HSD17B3: variants seen among roughly 807,000 people sequenced by gnomAD.
HSD17B3 encodes the protein hydroxysteroid 17-beta dehydrogenase 3.
In HSD17B3, 29 loss-of-function variants were observed where a neutral mutation model predicts 41.1. The ratio of observed to expected loss-of-function variants is 0.71; its 90% CI spans 0.53 to 0.96. The LOEUF (loss-of-function observed/expected upper bound fraction) is 0.96. Ranked by LOEUF, HSD17B3 falls within the 40% of genes least tolerant of loss-of-function variation. HSD17B3 has a pLI of 0.00. For synonymous variants in HSD17B3, 126 were observed against 145.6 expected, an observed-to-expected ratio of 0.87 and a Z score of 0.97; for missense variants, 323 against 374.6, an observed-to-expected ratio of 0.86 and a Z score of 1.14.
intron 2 of HSD17B3, among the ~76,000 whole-genome samples, chr9:96,287,503 G>A (rs1204981197): frequency 6.6e-6 from 1 of 152,164 alleles, no homozygotes; most frequent in Non-Finnish European, 1.5e-5. Context: ...GAGGTCAGGA[G>A]ATCAAGACCA....
At chr9:96,279,926 C>T (rs369251623) in intron 2 of HSD17B3, among the ~76,000 whole-genome samples, 1 of 152,134 alleles carries the variant, frequency 6.6e-6, no homozygotes, top group Admixed American at 6.5e-5. Flanking sequence ...CCCGCCACCA[C>T]CCCTGGCTAA....
rs556989869 is a variant in HSD17B3, at chr9:96,251,105, C to T, written c.453+313G>A. 1.6e-4 allele frequency: 61 copies of T among 372,154 alleles called. No individual in the cohort carries two copies. The East Asian group carries it at 2.0e-3, about 12-fold the overall frequency. The allele number at this position is 372,154 out of a possible 1,614,324, so 23.1% of individuals were successfully genotyped here. A position where few individuals can be genotyped will look rare whatever the true frequency, so the allele number is the denominator to read the frequency against. ...CTTCTCCCATATATGTTCACAGCTG[C>T]GAATGTGTTAGGCAGAATTACCCTT... On this transcript the variant is annotated intron_variant, in intron 5 of 10. Transcript: ENST00000375263.
At chr9:96,286,446 T>G (rs1826922748) in intron 2 of HSD17B3, among the ~76,000 whole-genome samples, 1 of 152,050 alleles carries the variant, frequency 6.6e-6, no homozygotes, top group Non-Finnish European at 1.5e-5. Flanking sequence ...CCTAGCACAT[T>G]GGGAGGCCAA....
chr9:96,272,291 C>T (rs1564048026), intron 2 of HSD17B3, among the ~76,000 whole-genome samples: 5 of 148,986 alleles, frequency 3.4e-5, no homozygotes, highest in Admixed American at 2.7e-4. Flanking sequence ...GCAGGAGAAT[C>T]ACTTGAACCT....
At chr9:96,277,941 G>A (rs1166477019) in intron 2 of HSD17B3, among the ~76,000 whole-genome samples, 1 of 152,012 alleles carries the variant, frequency 6.6e-6, no homozygotes, top group African/African-American at 2.4e-5. Context: ...ATAAATGTTG[G>A]ACATGGATAA....
chr9:96,236,186 C>T (rs7038184), intron 10 of HSD17B3, among the ~76,000 whole-genome samples: 2,911 of 151,960 alleles, frequency 0.019, 106 homozygotes, highest in African/African-American at 0.067. Context: ...TATGTCCCCA[C>T]TTGTCTTCAA....
At chr9:96,272,654 A>C (rs1181465821) in intron 2 of HSD17B3, among the ~76,000 whole-genome samples, 1 of 151,262 alleles carries the variant, frequency 6.6e-6, no homozygotes, top group African/African-American at 2.4e-5. Flanking sequence ...AAGAGTTTGC[A>C]GTTTCCTAAG....
At chr9:96,255,386 T>TGCAA (rs1825603330) in intron 2 of HSD17B3, among the ~76,000 whole-genome samples, 1 of 57,972 alleles carries the variant, frequency 1.7e-5, no homozygotes. Flanking sequence ...TTTTTTTTTT[T>TGCAA]TTTTTTTTTT....
intron 2 of HSD17B3, among the ~76,000 whole-genome samples, chr9:96,272,207 GA>G (rs1468558994): frequency 6.7e-6 from 1 of 150,320 alleles, no homozygotes; most frequent in Non-Finnish European, 1.5e-5. Flanking sequence ...CATCTCTACT[GA>G]AAACACAAAA....
chr9:96,301,062 C>G (rs1451608865), intron 1 of HSD17B3, among the ~76,000 whole-genome samples: 1 of 152,124 alleles, frequency 6.6e-6, no homozygotes, highest in East Asian at 1.9e-4. Context: ...GCAGGAAACT[C>G]CCAAAAGAAG....
chr9:96,240,262 G>A (rs1218169663), intron 10 of HSD17B3, among the ~76,000 whole-genome samples: 2 of 152,144 alleles, frequency 1.3e-5, no homozygotes, highest in Admixed American at 1.3e-4. Context: ...TAAAAAAAGA[G>A]CCCTCTGTGC....
In HSD17B3 at chr9:96,301,950, C is replaced by A. The variant is rs1827630265; in HGVS notation, c.154+1G>T. ...AAACATGAGATGGAACACTCCCTTACCTGCCCACTGTCCCATTGACCGCAA... is the reference window on the plus strand; with the variant it reads ...AAACATGAGATGGAACACTCCCTTAACTGCCCACTGTCCCATTGACCGCAA... On this transcript the variant is annotated splice_donor_variant, in intron 1 of 10. Transcript: ENST00000375263. LOFTEE classifies it high-confidence loss of function. 2 of 1,613,928 alleles carry A rather than the reference C, an allele frequency of 1.2e-6. No homozygotes were observed. The highest frequency in any genetic ancestry group is 1.7e-6 in the Non-Finnish European group (2 of 1,179,886).
rs771151928 is a variant in HSD17B3 at position 96,254,823 on chromosome 9, T to C, written c.277+45A>G. 19 of 1,530,600 alleles carry C rather than the reference T, an allele frequency of 1.2e-5. No individual in the cohort carries two copies. The South Asian group carries it at 2.1e-4, about 17-fold the overall frequency. The allele number at this position is 1,530,600 out of a possible 1,614,324, so 94.8% of individuals were successfully genotyped here. On this transcript the variant is annotated intron_variant, in intron 3 of 10. Coordinates refer to ENST00000375263, the MANE Select transcript of HSD17B3 (RefSeq NM_000197.2). ...ACTGGCATGGTGGGAGCAGGCTTGGTTGGAGGGCTCCACACACATCTCCCT... is the reference window on the plus strand; with the variant it reads ...ACTGGCATGGTGGGAGCAGGCTTGGCTGGAGGGCTCCACACACATCTCCCT...
intron 7 of HSD17B3, 24 bp from the exon 8 acceptor site, chr9:96,245,450 C>A: frequency 1.3e-6 from 2 of 1,587,962 alleles, no homozygotes; most frequent in South Asian, 1.1e-5. Context: ...AAGCAAAGTT[C>A]CCATGGCTTT....
intron 3 of HSD17B3, among the ~76,000 whole-genome samples, chr9:96,254,421 G>A (rs392312): frequency 0.26 from 39,579 of 152,134 alleles, 5,492 homozygotes; most frequent in African/African-American, 0.32. Context: ...ATGTAAAAAT[G>A]TAATTATTTT....
At chr9:96,247,202 T>G (rs1204452901) in intron 6 of HSD17B3, 1 of 155,230 alleles carries the variant, frequency 6.4e-6, no homozygotes, top group Admixed American at 6.2e-5. Flanking sequence ...CTAAAAGAAC[T>G]TTTTGTTTCA....
At position 96,251,435 on chromosome 9, in the gene HSD17B3, C is replaced by T. The variant is rs779332674; in HGVS notation, c.436G>A (p.Ala146Thr). The T allele has an allele frequency of 6.2e-6, 10 of 1,613,900 alleles. No individual in the cohort carries two copies. The highest frequency in any genetic ancestry group is 1.7e-5 in the Admixed American group (1 of 60,018). Residue 146 changes from alanine to threonine, a missense_variant, in exon 5 of 11, where the codon GCA becomes ACA. Physicochemically the swap from Ala to Thr is moderately conservative, Grantham distance 58. Coordinates refer to ENST00000375263, the MANE Select transcript of HSD17B3 (RefSeq NM_000197.2). ...AAGTCTACCTGGATTTCATCCGGTG[C>T]GTTCAGGAAATGGCTTGGGAGAAGG... ...PNLLPSHFLN[A>T]PDEIQSLIHC...
chr9:96,235,782 G>A (rs1381189657), intron 10 of HSD17B3, among the ~76,000 whole-genome samples: 4 of 152,080 alleles, frequency 2.6e-5, no homozygotes, highest in African/African-American at 9.7e-5. Context: ...AAACTCCTTT[G>A]GACGACCTAG....
rs1001303132 is a variant in HSD17B3, at chr9:96,282,826, C to A, written c.201+15590G>T. ...GTCATGGGAATGTGGATTTTTCTGCCTGGATTAAAAGGTTAAAAGTTTAAG... is the reference window on the plus strand; with the variant it reads ...GTCATGGGAATGTGGATTTTTCTGCATGGATTAAAAGGTTAAAAGTTTAAG... On this transcript the variant is annotated intron_variant, in intron 2 of 10. Transcript: ENST00000375263. Among the ~76,000 whole-genome samples the A allele has an allele frequency of 3.7e-4, 56 of 151,982 alleles. No individual in the cohort carries two copies. The Middle Eastern group carries it at 0.01, about 28-fold the overall frequency.
Sources: gnomAD v4.1 joint callset for allele counts (sites outside exome capture counted in the v4.1 genomes callset) on GRCh38, gnomAD v4.1.1 for gene constraint, MANE v1.5 for transcripts, NCBI Gene and HGNC (gene_info 2026-07-23, HGNC 2026-07-21) for gene names.